The following CPAP variants were observed in gnomAD, a reference collection of about 807,000 sequenced individuals.
CPAP encodes centrosome assembly and centriole elongation protein.
the CPAP span, chr13:24,882,577 G>A: frequency 5.9e-4 from 91 of 153,438 alleles, no homozygotes; most frequent in African/African-American, 2.0e-3. Flanking sequence ...ATCCCATTTT[G>A]AGACATTACA....
the CPAP span, among the ~76,000 whole-genome samples, chr13:24,925,140 T>A: frequency 2.0e-5 from 3 of 151,936 alleles, no homozygotes; most frequent in Non-Finnish European, 4.4e-5. Flanking sequence ...AATAATTCTT[T>A]TTCATTATTT....
chr13:24,900,302 C>A, the CPAP span, among the ~76,000 whole-genome samples: 4 of 152,038 alleles, frequency 2.6e-5, no homozygotes, highest in African/African-American at 9.7e-5. Flanking sequence ...GACTAAAACA[C>A]AGTGAGCAAA....
At chr13:24,921,392 T>G in the CPAP span, among the ~76,000 whole-genome samples, 1 of 152,222 alleles carries the variant, frequency 6.6e-6, no homozygotes, top group East Asian at 1.9e-4. Flanking sequence ...CCACCTGGTC[T>G]GTACGCCTGG....
chr13:24,912,776 T>TAAA, the CPAP span: 1 of 1,614,240 alleles, frequency 6.2e-7, no homozygotes, highest in South Asian at 1.1e-5. Flanking sequence ...TTGTAAGGGT[T>TAAA]GTTTGACTCC....
At chr13:24,901,915 C>T in the CPAP span, among the ~76,000 whole-genome samples, 18,308 of 152,104 alleles carry the variant, frequency 0.12, 1,209 homozygotes, top group Non-Finnish European at 0.15. Flanking sequence ...GGTTTGAGCC[C>T]AGGAGGCAGA....
At chr13:24,903,483 G>C in the CPAP span, among the ~76,000 whole-genome samples, 1 of 152,198 alleles carries the variant, frequency 6.6e-6, no homozygotes, top group Admixed American at 6.5e-5. Context: ...AAATACCAAC[G>C]TGTGCCTGAA....
the CPAP span, among the ~76,000 whole-genome samples, chr13:24,908,944 A>G: frequency 6.6e-6 from 1 of 152,248 alleles, no homozygotes; most frequent in African/African-American, 2.4e-5. Context: ...AGATACCTGC[A>G]TATTATTTTC....
At chr13:24,914,062 A>T in the CPAP span, among the ~76,000 whole-genome samples, 2 of 152,210 alleles carry the variant, frequency 1.3e-5, no homozygotes, top group Admixed American at 6.5e-5. Context: ...ACACGCACAC[A>T]CACATTATAC....
chr13:24,926,158 G>C, the CPAP span, among the ~76,000 whole-genome samples: 5 of 152,176 alleles, frequency 3.3e-5, no homozygotes, highest in African/African-American at 1.2e-4. Flanking sequence ...GATCACGATG[G>C]AACCCCCAAA....
chr13:24,894,751 A>G, the CPAP span, among the ~76,000 whole-genome samples: 1 of 152,084 alleles, frequency 6.6e-6, no homozygotes, highest in Non-Finnish European at 1.5e-5. Context: ...TGGGCGGGAC[A>G]CGGGGATGGA....
the CPAP span, among the ~76,000 whole-genome samples, chr13:24,928,279 G>A: frequency 2.0e-3 from 300 of 152,294 alleles, 1 homozygote; most frequent in Non-Finnish European, 3.4e-3. Flanking sequence ...CAGGTGATCC[G>A]GGCTAGAAAG....
the CPAP span, among the ~76,000 whole-genome samples, chr13:24,923,989 T>C: frequency 7.2e-5 from 11 of 152,068 alleles, no homozygotes; most frequent in Non-Finnish European, 1.3e-4. Flanking sequence ...CCACCACGCC[T>C]GGCTAATTTT....
chr13:24,914,821 C>A, the CPAP span, among the ~76,000 whole-genome samples: 1 of 151,860 alleles, frequency 6.6e-6, no homozygotes, highest in Non-Finnish European at 1.5e-5. Context: ...CGCCATAATC[C>A]CAGCATTTTG....
chr13:24,895,525 C>T, the CPAP span, among the ~76,000 whole-genome samples: 2 of 152,074 alleles, frequency 1.3e-5, no homozygotes, highest in South Asian at 4.1e-4. Flanking sequence ...CCACTGCACT[C>T]CAGCCTGGGT....
chr13:24,902,585 G>C, the CPAP span, among the ~76,000 whole-genome samples: 1 of 152,106 alleles, frequency 6.6e-6, no homozygotes, highest in Non-Finnish European at 1.5e-5. Flanking sequence ...TGGAACTTAG[G>C]GGCCAGATGT....
the CPAP span, chr13:24,883,162 A>G: frequency 6.2e-7 from 1 of 1,608,424 alleles, no homozygotes; most frequent in Non-Finnish European, 8.5e-7. Context: ...TTACTTCATG[A>G]TCACATGAGG....
chr13:24,929,901 ATTTT>A, the CPAP span, among the ~76,000 whole-genome samples: 2 of 100,924 alleles, frequency 2.0e-5, no homozygotes, highest in African/African-American at 4.0e-5. Flanking sequence ...TCACTTGTGA[ATTTT>A]TTTTTTTTTT....
At chr13:24,919,191 A>C in the CPAP span, among the ~76,000 whole-genome samples, 3 of 152,356 alleles carry the variant, frequency 2.0e-5, no homozygotes, top group Admixed American at 2.0e-4. Flanking sequence ...TAAAAAGTGA[A>C]AAATTTTCAA....
chr13:24,896,647 G>A, the CPAP span, among the ~76,000 whole-genome samples: 2 of 152,304 alleles, frequency 1.3e-5, no homozygotes, highest in Middle Eastern at 3.4e-3. Context: ...ACAAAAAGAA[G>A]TGTGTTTGCT....
Sources: allele counts gnomAD v4.1 joint callset (sites outside exome capture counted in the v4.1 genomes callset), GRCh38; gene constraint gnomAD v4.1.1; transcripts MANE v1.5; gene names NCBI Gene and HGNC (gene_info 2026-07-23, HGNC 2026-07-21).